The following TMEM245 variants were observed in gnomAD, a reference collection of about 807,000 sequenced individuals.
The protein encoded by TMEM245 is protein CG-2.
A neutral mutation model predicts 101.2 loss-of-function variants in TMEM245; 69 were observed. The ratio of observed to expected loss-of-function variants is 0.68; its 90% CI spans 0.56 to 0.83. TMEM245 has a LOEUF of 0.83. Ranked by LOEUF, TMEM245 falls within the 40% of genes least tolerant of loss-of-function variation. The pLI, the probability that TMEM245 is intolerant of heterozygous loss-of-function variation, is 0.00. For missense variants in TMEM245, 1,075 were observed against 1,092.8 expected (o/e 0.98, Z 0.23); for synonymous variants, 537 against 449.8 (o/e 1.19, Z -2.45).
rs762148960 is a variant in TMEM245, at chr9:109,085,988, T to C, written c.1344+9A>G. On this transcript the variant is annotated intron_variant, in intron 7 of 17. Transcript: ENST00000374586. ...AATAGTAAAAACCAACATCTGGGTG[T>C]TCATTTACCTTCTTATTTAGCCAGT... The C allele has an allele frequency of 6.2e-7, 1 of 1,613,998 alleles. No homozygotes were observed. Among genetic ancestry groups the C allele is most frequent in the Non-Finnish European group, 8.5e-7 (1 of 1,179,902 alleles).
chr9:109,060,438 T>C lies in TMEM245; in HGVS notation c.1638A>G (p.Leu546=), dbSNP rs759183219. Residue 546 remains leucine, a synonymous_variant, in exon 11 of 18, where the codon CTA becomes CTG. Transcript: ENST00000374586. ...EWITHKLHKI[L]GDKVNNTAVI... is the part of the protein sequence containing the mutation. ...CAGCAGTATTGTTCACCTTATCTCC[T>C]AGAATTTTATGGAGCTAGAAAAAAA... 5.3e-5 allele frequency: 85 copies of C among 1,611,208 alleles called. No individual in the cohort carries two copies. Among genetic ancestry groups the C allele is most frequent in the Non-Finnish European group, 2.5e-6 (3 of 1,178,276 alleles).
chr9:109,085,880 A>C (rs1188995655), intron 7 of TMEM245, 117 bp downstream of exon 7: 1 of 1,146,480 alleles, frequency 8.7e-7, no homozygotes, highest in Non-Finnish European at 1.3e-6. Context: ...GCTTATAATT[A>C]AAACTTTGAA....
intron 3 of TMEM245, among the ~76,000 whole-genome samples, chr9:109,100,713 T>C (rs1830262325): frequency 6.6e-6 from 1 of 152,194 alleles, no homozygotes; most frequent in South Asian, 2.1e-4. Flanking sequence ...GGCTAGTCAG[T>C]TAATCTCTAG....
At chr9:109,039,481 G>A (rs182725241) in intron 14 of TMEM245, among the ~76,000 whole-genome samples, 188 of 152,258 alleles carry the variant, frequency 1.2e-3, no homozygotes, top group African/African-American at 4.3e-3. Flanking sequence ...CAGAATGGAA[G>A]AGGCATGCAA....
intron 3 of TMEM245, among the ~76,000 whole-genome samples, chr9:109,100,980 T>C (rs1830268274): frequency 6.6e-6 from 1 of 152,094 alleles, no homozygotes; most frequent in African/African-American, 2.4e-5. Flanking sequence ...TGAAACTAAC[T>C]CAGCAATGAT....
chr9:109,025,949 G>A (rs941215353), intron 17 of TMEM245, among the ~76,000 whole-genome samples: 6 of 152,212 alleles, frequency 3.9e-5, no homozygotes, highest in Admixed American at 1.3e-4. Context: ...GCATTCATCT[G>A]TGTGAAGATA....
intron 17 of TMEM245, 51 bp downstream of exon 17, chr9:109,033,256 A>G (rs1281858529): frequency 2.0e-6 from 3 of 1,499,824 alleles, no homozygotes; most frequent in Non-Finnish European, 2.7e-6. Flanking sequence ...ATACAGAGAC[A>G]GGACAGTTCA....
At chr9:109,037,341 G>A (rs1163404112) in intron 15 of TMEM245, among the ~76,000 whole-genome samples, 1 of 152,160 alleles carries the variant, frequency 6.6e-6, no homozygotes, top group African/African-American at 2.4e-5. Context: ...TATGTCCTAG[G>A]TGTTATGCTA....
rs1224344964 is a variant in TMEM245, at chr9:109,076,696, CTTTT to C, written c.1450-3262_1450-3259del. On this transcript the variant is annotated intron_variant, in intron 8 of 17. Coordinates refer to ENST00000374586, the MANE Select transcript of TMEM245 (RefSeq NM_032012.4). ...TAATTTAATTCTGTGTCAGGAAATG[CTTTT>C]TTTGTTTGAGACAGTGATCTCGCTC... Among the ~76,000 whole-genome samples, 10 of 152,106 alleles carry C rather than the reference CTTTT, an allele frequency of 6.6e-5. 1 individual carries two copies. In the South Asian group the frequency reaches 2.1e-3, roughly 32 times the overall value.
intron 8 of TMEM245, among the ~76,000 whole-genome samples, chr9:109,074,494 T>C (rs1227467333): frequency 2.0e-5 from 3 of 152,136 alleles, no homozygotes; most frequent in Non-Finnish European, 4.4e-5. Context: ...CACATCGTTA[T>C]CCTTTTCTGA....
In TMEM245 at chr9:109,073,452, A is replaced by G. The variant is rs375043143; in HGVS notation, c.1450-14T>C. The G allele has an allele frequency of 5.7e-5, 88 of 1,552,840 alleles. 1 individual carries two copies. The African/African-American group carries it at 7.6e-4, about 13-fold the overall frequency. The stretch of plus-strand genomic sequence containing the variant: ...CTCTTGATGTACCTGTATTACAGAT[A>G]AAGAAAGAAAAGAATCTCAGTAAAA... On this transcript the variant is annotated splice_polypyrimidine_tract_variant and intron_variant, in intron 8 of 17. Transcript: ENST00000374586.
intron 6 of TMEM245, 38 bp from the exon 7 acceptor site, chr9:109,086,058 G>T (rs765950329): frequency 1.2e-6 from 2 of 1,602,378 alleles, no homozygotes; most frequent in Admixed American, 1.7e-5. Flanking sequence ...GAGAAGATAA[G>T]AACAGTGGAG....
chr9:109,023,725 A>G (rs1487130798), intron 17 of TMEM245, among the ~76,000 whole-genome samples: 1 of 151,596 alleles, frequency 6.6e-6, no homozygotes, highest in Non-Finnish European at 1.5e-5. Context: ...AGTCCCAGCT[A>G]CTCGGGAGGC....
At position 109,083,911 on chromosome 9, in the gene TMEM245, A is replaced by C. The variant is rs969278463; in HGVS notation, c.1344+2086T>G. On this transcript the variant is annotated intron_variant, in intron 7 of 17. Transcript: ENST00000374586. ...TCTCTACTAAAAATACAAAAAAAAAAAAAAAAAAAAAAAAAAAACACCAGG... is the reference window on the plus strand; with the variant it reads ...TCTCTACTAAAAATACAAAAAAAAACAAAAAAAAAAAAAAAAAACACCAGG... Among the ~76,000 whole-genome samples the C allele has an allele frequency of 4.4e-5, 5 of 112,654 alleles. No homozygotes were observed. In the East Asian group the frequency reaches 7.8e-4, roughly 18 times the overall value. 73.9% of individuals were successfully genotyped at this position (112,654 alleles called of 152,430 possible).
chr9:109,117,578 AC>A (rs1354486193), intron 1 of TMEM245, among the ~76,000 whole-genome samples: 1 of 152,246 alleles, frequency 6.6e-6, no homozygotes, highest in Non-Finnish European at 1.5e-5. Flanking sequence ...TCAAAGGTAT[AC>A]GCCGAGCTGT....
chr9:109,040,159 T>C (rs1828260315), intron 14 of TMEM245, among the ~76,000 whole-genome samples: 1 of 152,170 alleles, frequency 6.6e-6, no homozygotes, highest in South Asian at 2.1e-4. Context: ...TTACTAAACA[T>C]ATTCATGTAA....
intron 5 of TMEM245, among the ~76,000 whole-genome samples, chr9:109,087,548 G>T (rs1829878926): frequency 6.6e-6 from 1 of 152,100 alleles, no homozygotes; most frequent in Non-Finnish European, 1.5e-5. Flanking sequence ...ATCCCCACCT[G>T]CCTATATATT....
chr9:109,052,611 A>G (rs1194333395), intron 12 of TMEM245, among the ~76,000 whole-genome samples: 1 of 152,222 alleles, frequency 6.6e-6, no homozygotes, highest in Non-Finnish European at 1.5e-5. Flanking sequence ...GGCTGGTTTC[A>G]TTTACAAAAA....
At chr9:109,082,148 C>T (rs1434963702) in intron 7 of TMEM245, among the ~76,000 whole-genome samples, 21 of 152,188 alleles carry the variant, frequency 1.4e-4, no homozygotes. Flanking sequence ...GCAGCATTTA[C>T]TTTCACTTGA....
Sources: gnomAD v4.1 joint callset for allele counts (sites outside exome capture counted in the v4.1 genomes callset) on GRCh38, gnomAD v4.1.1 for gene constraint, MANE v1.5 for transcripts, NCBI Gene and HGNC (gene_info 2026-07-23, HGNC 2026-07-21) for gene names.